Variants in RELL1 observed in about 807,000 individuals in gnomAD.
RELL1 encodes RELT like 1.
A neutral mutation model predicts 23.0 loss-of-function variants in RELL1; 10 were observed. That is an observed-to-expected ratio of 0.43 (90% CI 0.27 to 0.74). The LOEUF (loss-of-function observed/expected upper bound fraction) is 0.74, where lower values mean the gene tolerates loss of function less well. RELL1 is among the 30% of genes least tolerant of loss of function. The pLI is 0.19. For synonymous variants in RELL1, 146 were observed against 146.8 expected (o/e 0.99, Z 0.04); for missense variants, 315 against 364.4 (o/e 0.86, Z 1.10).
downstream of RELL1, among the ~76,000 whole-genome samples, chr4:37,587,440 A>C (rs59930529): frequency 7.7e-3 from 1,171 of 152,252 alleles, 21 homozygotes; most frequent in African/African-American, 0.027. Context: ...ATGTAAATCT[A>C]GTCCCTTTTA....
Position 37,611,947 on chromosome 4 carries a change from G to A in RELL1, c.*1399C>T, listed in dbSNP as rs979054382. Among the ~76,000 whole-genome samples the A allele has an allele frequency of 3.3e-5, 5 of 151,670 alleles. No individual in the cohort carries two copies. The highest frequency in any genetic ancestry group is 7.3e-5 in the African/African-American group (3 of 41,268). On this transcript the variant is annotated 3_prime_UTR_variant, in exon 7 of 7. Coordinates refer to ENST00000454158, the MANE Select transcript of RELL1 (RefSeq NM_001085400.2). ...TCCCAGAACTTTGGGAGGCCGAGGC[G>A]GGTGGATCACGAGGTCAGGAGATCG...
rs542387640 is a variant in RELL1, at chr4:37,621,378, C to G, written c.*4-8036G>C. ...GGCTGAGACAGGAGAATGGCGTGAA[C>G]CTGGGAGGCAGAGCTTGCAGTGAGC... On this transcript the variant is annotated intron_variant, in intron 6 of 6. Coordinates refer to ENST00000454158, the MANE Select transcript of RELL1 (RefSeq NM_001085400.2). 2.0e-5 allele frequency among the ~76,000 whole-genome samples: 3 copies of G among 152,060 alleles called. No homozygotes were observed. The South Asian group carries it at 6.2e-4, about 32-fold the overall frequency.
At chr4:37,607,746 A>T (rs1719267133), downstream of RELL1, among the ~76,000 whole-genome samples, 1 of 150,698 alleles carries the variant, frequency 6.6e-6, no homozygotes, top group Non-Finnish European at 1.5e-5. Context: ...CACCTGGCTA[A>T]TTTTTTTCTT....
intron 5 of RELL1, among the ~76,000 whole-genome samples, chr4:37,633,814 T>C (rs1022080528): frequency 1.3e-5 from 2 of 152,202 alleles, no homozygotes; most frequent in East Asian, 3.8e-4. Context: ...TCCTTCTCAC[T>C]TTACAGAGGG....
chr4:37,605,671 G>A (rs1353787239), downstream of RELL1, among the ~76,000 whole-genome samples: 1 of 151,656 alleles, frequency 6.6e-6, no homozygotes, highest in Admixed American at 6.6e-5. Flanking sequence ...GAGCCTGGGA[G>A]GCAAACGTTG....
In RELL1 at chr4:37,686,356, G is replaced by A; in HGVS notation, c.-69C>T. 1 of 1,256,932 alleles carries A rather than the reference G, an allele frequency of 8.0e-7. No individual in the cohort carries two copies. The allele number at this position is 1,256,932 out of a possible 1,614,324, so 77.9% of individuals were successfully genotyped here. A position where few individuals can be genotyped will look rare whatever the true frequency, so the allele number is the denominator to read the frequency against. On this transcript the variant is annotated 5_prime_UTR_variant, in exon 1 of 7. Coordinates refer to ENST00000454158, the MANE Select transcript of RELL1 (RefSeq NM_001085400.2). ...CGCTCGGGAAGGCAGAGCCGCTCCG[G>A]AGCCGGCGGGCTGATCGAGTGGCTG...
intron 6 of RELL1, among the ~76,000 whole-genome samples, chr4:37,598,357 C>T (rs1401400030): frequency 2.1e-5 from 3 of 140,044 alleles, no homozygotes; most frequent in Admixed American, 7.2e-5. Flanking sequence ...CAAATATTAA[C>T]GTAGAAATTG....
chr4:37,644,364 T>G (rs1720625744), intron 3 of RELL1, among the ~76,000 whole-genome samples: 1 of 151,994 alleles, frequency 6.6e-6, no homozygotes, highest in Non-Finnish European at 1.5e-5. Context: ...TGTCTTATCC[T>G]CTGGGTCGCT....
chr4:37,602,649 G>A (rs1336314901), intron 6 of RELL1, among the ~76,000 whole-genome samples: 1 of 152,118 alleles, frequency 6.6e-6, no homozygotes, highest in Non-Finnish European at 1.5e-5. Context: ...CCTCGGTAGG[G>A]GTGGATGAGA....
chr4:37,668,610 G>A (rs1278924334), intron 1 of RELL1, among the ~76,000 whole-genome samples: 2 of 152,126 alleles, frequency 1.3e-5, no homozygotes, highest in Non-Finnish European at 2.9e-5. Context: ...CCAAAGTGGC[G>A]AGATTGCAGC....
chr4:37,656,143 G>T (rs183577468), intron 1 of RELL1, among the ~76,000 whole-genome samples: 1 of 152,248 alleles, frequency 6.6e-6, no homozygotes, highest in East Asian at 1.9e-4. Flanking sequence ...AGAAATCGTG[G>T]CATATGAAAA....
chr4:37,587,646 G>C (rs1718397026), downstream of RELL1, among the ~76,000 whole-genome samples: 1 of 152,180 alleles, frequency 6.6e-6, no homozygotes. Context: ...GGGAGACTGG[G>C]GATGCAGATT....
chr4:37,598,252 C>CAAAAAAAAAAAGAA (rs1718927753), intron 6 of RELL1, among the ~76,000 whole-genome samples: 1 of 11,336 alleles, frequency 8.8e-5, no homozygotes, highest in Non-Finnish European at 1.9e-4. Flanking sequence ...AACTCTGTCT[C>CAAAAAAAAAAAGAA]AAAAAAAAAA....
intron 1 of RELL1, among the ~76,000 whole-genome samples, chr4:37,671,677 G>A (rs527940471): frequency 8.5e-5 from 13 of 152,234 alleles, no homozygotes; most frequent in South Asian, 6.2e-4. Flanking sequence ...CTTGTTCGGC[G>A]TATAATCAAG....
Position 37,596,737 on chromosome 4 carries a change from T to TATATATATATA in RELL1, c.*4-5521_*4-5520insTATATATATAT, listed in dbSNP as rs58665893. The stretch of plus-strand genomic sequence containing the variant: ...ATATATATATATATATATATATATA[T>TATATATATATA]TTTTTTTTTTTTTTTTTTTTTTTTT... On this transcript the variant is annotated intron_variant, in intron 6 of 6. Coordinates refer to the RELL1 transcript ENST00000314117. 5.8e-3 allele frequency among the ~76,000 whole-genome samples: 83 copies of TATATATATATA among 14,358 alleles called. 1 individual carries two copies. The highest frequency in any genetic ancestry group is 9.2e-3 in the Admixed American group (7 of 758). 9.4% of individuals were successfully genotyped at this position (14,358 alleles called of 152,430 possible). A position where few individuals can be genotyped will look rare whatever the true frequency, so the allele number is the denominator to read the frequency against.
chr4:37,671,721 G>A (rs1354726164), intron 1 of RELL1, among the ~76,000 whole-genome samples: 6 of 151,848 alleles, frequency 4.0e-5, no homozygotes, highest in South Asian at 2.1e-4. Flanking sequence ...CAGCAGCCCC[G>A]AGGGCTGCTG....
intron 6 of RELL1, among the ~76,000 whole-genome samples, chr4:37,630,522 G>A (rs1162270424): frequency 3.3e-5 from 5 of 151,642 alleles, no homozygotes; most frequent in African/African-American, 7.3e-5. Flanking sequence ...CCACCACTAC[G>A]CCCGGCTACT....
chr4:37,610,937 TAAAAAGCGTATGTGTTGAA>T lies in RELL1; in HGVS notation c.*2390_*2408del, dbSNP rs1719353626. 6.6e-6 allele frequency among the ~76,000 whole-genome samples: 1 copy of T among 152,142 alleles called. No individual in the cohort carries two copies. Among genetic ancestry groups the T allele is most frequent in the African/African-American group, 2.4e-5 (1 of 41,416 alleles). On this transcript the variant is annotated 3_prime_UTR_variant, in exon 7 of 7. Coordinates refer to ENST00000454158, the MANE Select transcript of RELL1 (RefSeq NM_001085400.2). This position sits in a 1 kb window ranked among gnomAD's most constrained non-coding sequence, Gnocchi z 4.1. ...CATCAGATAGTTCAGTATAAACCAG[TAAAAAGCGTATGTGTTGAA>T]AATACTGAACGCTTAATTTTGGCAA... is the stretch of plus-strand genomic sequence containing the variant.
chr4:37,587,367 G>C (rs1251402656), downstream of RELL1, among the ~76,000 whole-genome samples: 1 of 152,106 alleles, frequency 6.6e-6, no homozygotes, highest in African/African-American at 2.4e-5. Context: ...TTAGGATGTG[G>C]ATATCTTTGG....
Sources: allele counts gnomAD v4.1 joint callset (sites outside exome capture counted in the v4.1 genomes callset), GRCh38; gene constraint gnomAD v4.1.1; non-coding constraint Gnocchi (gnomAD v3.1); transcripts MANE v1.5; gene names NCBI Gene and HGNC (gene_info 2026-07-23, HGNC 2026-07-21).